Variants in SVIL observed in about 807,000 individuals in gnomAD.
The protein encoded by SVIL is archvillin.
SVIL carries 101 observed loss-of-function variants against 240.4 expected under a neutral mutation model. That is an observed-to-expected ratio of 0.42 (90% CI 0.36 to 0.50). The LOEUF (loss-of-function observed/expected upper bound fraction) is 0.50. Among genes scored for constraint, SVIL ranks in the 20% least tolerant of loss-of-function variants. The probability of loss-of-function intolerance (pLI) is 0.01; values close to 1 mark genes in which losing one functional copy is unlikely to be tolerated. For synonymous variants in SVIL, 999 were observed against 1,100.0 expected (o/e 0.91, Z 1.82); for missense variants, 2,512 against 2,818.7 (o/e 0.89, Z 2.46).
rs1589222769 is a variant in SVIL, at chr10:29,551,189, T to G, written c.235A>C (p.Thr79Pro). The change falls in exon 6 of 38, where the codon ACC (threonine) becomes CCC (proline). Residue 79 changes from threonine (T) to proline (P), a missense_variant. Physicochemically the swap from Thr to Pro is conservative, Grantham distance 38. Transcript: ENST00000355867. ...KQTRSKYCTE[T>P]SGVHGDSPYG... ...GGTGAGTCACCGTGGACACCGGAGG[T>G]TTCTGTGCAGTATTTGGATCGAGTT... The G allele has an allele frequency of 6.2e-7, 1 of 1,613,366 alleles. No homozygotes were observed. Among genetic ancestry groups the G allele is most frequent in the Non-Finnish European group, 8.5e-7 (1 of 1,179,862 alleles).
intron 29 of SVIL, among the ~76,000 whole-genome samples, chr10:29,478,363 ATGAG>A (rs1476266726): frequency 6.6e-6 from 1 of 152,228 alleles, no homozygotes; most frequent in African/African-American, 2.4e-5. Flanking sequence ...AATGTCAGTG[ATGAG>A]TATTTCCTGC....
intron 3 of SVIL, among the ~76,000 whole-genome samples, chr10:29,655,026 C>T (rs377546417): frequency 9.2e-5 from 14 of 152,248 alleles, no homozygotes; most frequent in African/African-American, 2.9e-4. Context: ...CCAGAAACAC[C>T]CTCACAGACA....
intron 3 of SVIL, among the ~76,000 whole-genome samples, chr10:29,655,986 T>C (rs758038442): frequency 2.7e-5 from 4 of 150,842 alleles, no homozygotes; most frequent in African/African-American, 9.7e-5. Context: ...TTCTCCTGCC[T>C]CAGCCTCCCG....
At chr10:29,501,617 C>G (rs1377466808) in intron 17 of SVIL, among the ~76,000 whole-genome samples, 1 of 152,152 alleles carries the variant, frequency 6.6e-6, no homozygotes, top group East Asian at 1.9e-4. Flanking sequence ...TCCTAAAAAC[C>G]TGAACATTTC....
At chr10:29,532,411 G>C (rs902337564) in intron 8 of SVIL, 118 bp downstream of exon 8, 1 of 1,444,842 alleles carries the variant, frequency 6.9e-7, no homozygotes, top group Non-Finnish European at 9.2e-7. Context: ...CGCCCTGCAC[G>C]CACTTGTGAG....
At chr10:29,498,894 T>C (rs1948661694) in intron 18 of SVIL, among the ~76,000 whole-genome samples, 1 of 152,172 alleles carries the variant, frequency 6.6e-6, no homozygotes, top group Non-Finnish European at 1.5e-5. Context: ...GGTGGGAAGA[T>C]TGCTTCAGCC....
At chr10:29,659,108 T>C (rs192187763) in intron 2 of SVIL, among the ~76,000 whole-genome samples, 6 of 152,342 alleles carry the variant, frequency 3.9e-5, no homozygotes, top group Admixed American at 3.9e-4. Flanking sequence ...GTGGTTTGCC[T>C]GACGAGGTGC....
At chr10:29,477,450 C>G (rs113185328) in intron 29 of SVIL, among the ~76,000 whole-genome samples, 14,464 of 152,214 alleles carry the variant, frequency 0.095, 874 homozygotes, top group Non-Finnish European at 0.13. Flanking sequence ...AGGCACTGGG[C>G]CAGGACATTG....
chr10:29,693,587 C>G (rs1961688937), intron 1 of SVIL, among the ~76,000 whole-genome samples: 1 of 152,134 alleles, frequency 6.6e-6, no homozygotes, highest in Non-Finnish European at 1.5e-5. Context: ...CCCTGGAGAG[C>G]CAGGTGGGCG....
chr10:29,594,559 C>CTT (rs34870351), intron 1 of SVIL, among the ~76,000 whole-genome samples: 335 of 140,564 alleles, frequency 2.4e-3, no homozygotes, highest in Middle Eastern at 7.3e-3. Flanking sequence ...AATTTTTTTT[C>CTT]TTTTTTTTTT....
intron 16 of SVIL, among the ~76,000 whole-genome samples, chr10:29,516,347 C>T (rs1215491539): frequency 2.0e-5 from 3 of 152,214 alleles, no homozygotes; most frequent in African/African-American, 4.8e-5. Flanking sequence ...CCCTCGGCTC[C>T]AGCCTACGGA....
Position 29,616,231 on chromosome 10 carries a change from T to C in SVIL, c.-201+18189A>G, listed in dbSNP as rs561173951. Among the ~76,000 whole-genome samples, 13 of 152,306 alleles carry C rather than the reference T, an allele frequency of 8.5e-5. No homozygotes were observed. The East Asian group carries it at 2.1e-3, about 25-fold the overall frequency. On this transcript the variant is annotated intron_variant, in intron 1 of 37. Coordinates refer to ENST00000355867, the MANE Select transcript of SVIL (RefSeq NM_021738.3). ...TTTTGTATTTTAGTAGAGGCAGGGT[T>C]TCACCATGTTGCACGGGCTGGTCTT...
At chr10:29,612,952 C>T (rs539772793) in intron 1 of SVIL, among the ~76,000 whole-genome samples, 10 of 151,844 alleles carry the variant, frequency 6.6e-5, no homozygotes, top group South Asian at 6.3e-4. Context: ...CTGAGGTGGG[C>T]GGATCACAAG....
chr10:29,493,202 C>G lies in SVIL; in HGVS notation c.4019+12G>C. ...TCTCAGTGGAGGAAAGACGGAGACCCAAATAACTCACTTGGGTGCATAAGG... is the reference window on the plus strand; with the variant it reads ...TCTCAGTGGAGGAAAGACGGAGACCGAAATAACTCACTTGGGTGCATAAGG... On this transcript the variant is annotated intron_variant, in intron 21 of 37. Coordinates refer to ENST00000355867, the MANE Select transcript of SVIL (RefSeq NM_021738.3). The G allele has an allele frequency of 6.2e-7, 1 of 1,611,678 alleles. No homozygotes were observed. Among genetic ancestry groups the G allele is most frequent in the South Asian group, 1.1e-5 (1 of 90,844 alleles).
At chr10:29,685,679 A>G (rs1317337358) in intron 2 of SVIL, among the ~76,000 whole-genome samples, 1 of 152,210 alleles carries the variant, frequency 6.6e-6, no homozygotes, top group Non-Finnish European at 1.5e-5. Flanking sequence ...AGTGATGCTG[A>G]GCATTTTTTT....
At chr10:29,539,094 G>T (rs1045305170) in intron 6 of SVIL, among the ~76,000 whole-genome samples, 3 of 152,154 alleles carry the variant, frequency 2.0e-5, no homozygotes, top group Non-Finnish European at 4.4e-5. Flanking sequence ...GAGCCCAGGA[G>T]TTTGAGGCTG....
chr10:29,493,994 C>T (rs971315058), intron 20 of SVIL, among the ~76,000 whole-genome samples: 1 of 151,924 alleles, frequency 6.6e-6, no homozygotes, highest in Non-Finnish European at 1.5e-5. Flanking sequence ...CATAGTGGGT[C>T]CCCATCTCTA....
At chr10:29,665,711 G>A (rs1012967748) in intron 2 of SVIL, among the ~76,000 whole-genome samples, 1 of 152,046 alleles carries the variant, frequency 6.6e-6, no homozygotes, top group Non-Finnish European at 1.5e-5. Context: ...GGACAATGGT[G>A]TGAACCCAGG....
chr10:29,708,446 C>A (rs1273809411), intron 1 of SVIL, among the ~76,000 whole-genome samples: 2 of 150,974 alleles, frequency 1.3e-5, no homozygotes, highest in East Asian at 3.9e-4. Flanking sequence ...CATGGTGAAA[C>A]CCTGTCTTTA....
Sources: allele counts gnomAD v4.1 joint callset (sites outside exome capture counted in the v4.1 genomes callset), GRCh38; gene constraint gnomAD v4.1.1; transcripts MANE v1.5; gene names NCBI Gene and HGNC (gene_info 2026-07-23, HGNC 2026-07-21).